UTP18: variants seen among roughly 807,000 people sequenced by gnomAD.
The protein encoded by UTP18 is U3 small nucleolar RNA-associated protein 18 homolog.
A neutral mutation model predicts 61.1 loss-of-function variants in UTP18; 36 were observed. The ratio of observed to expected loss-of-function variants is 0.59; its 90% confidence interval spans 0.45 to 0.78. UTP18 has a LOEUF of 0.78. UTP18 is among the 30% of genes least tolerant of loss of function. The pLI is 0.00. For synonymous variants in UTP18, 282 were observed against 251.1 expected, an observed-to-expected ratio of 1.12 and a Z score of -1.16; for missense variants, 753 against 693.9, an observed-to-expected ratio of 1.09 and a Z score of -0.96.
At chr17:51,279,278 A>T (rs1371867596) in intron 7 of UTP18, among the ~76,000 whole-genome samples, 1 of 152,132 alleles carries the variant, frequency 6.6e-6, no homozygotes, top group Admixed American at 6.5e-5. Context: ...TAACTTTTTA[A>T]TGAGTAACTT....
intron 2 of UTP18, among the ~76,000 whole-genome samples, chr17:51,265,327 G>A (rs1437210064): frequency 1.3e-5 from 2 of 150,476 alleles, no homozygotes; most frequent in African/African-American, 2.4e-5. Flanking sequence ...GTAGTGGTGC[G>A]ATCTTGGCTC....
Position 51,289,736 on chromosome 17 carries a change from C to T in UTP18, c.1503+1533C>T, listed in dbSNP as rs117987336. On this transcript the variant is annotated intron_variant, in intron 11 of 13. Coordinates refer to ENST00000225298, the MANE Select transcript of UTP18 (RefSeq NM_016001.3). ...GCTATGTGTGTACTACCAGATTGTA[C>T]GCACTTTACAAAGTGTGTTATTTTT... Among the ~76,000 whole-genome samples the T allele has an allele frequency of 1.1e-4, 17 of 152,306 alleles. No individual in the cohort carries two copies. The East Asian group carries it at 1.2e-3, about 10-fold the overall frequency.
chr17:51,275,036 GA>G (rs1304709147), intron 5 of UTP18, among the ~76,000 whole-genome samples: 1 of 151,406 alleles, frequency 6.6e-6, no homozygotes, highest in Non-Finnish European at 1.5e-5. Context: ...CATCTCTACT[GA>G]AAATACAAAA....
At chr17:51,264,193 C>T (rs1456613295) in intron 2 of UTP18, among the ~76,000 whole-genome samples, 2 of 151,898 alleles carry the variant, frequency 1.3e-5, no homozygotes, top group African/African-American at 2.4e-5. Flanking sequence ...TGTGCCACCA[C>T]ACCTGGCTAA....
At chr17:51,262,239 G>A (rs984356186) in intron 1 of UTP18, among the ~76,000 whole-genome samples, 2 of 151,770 alleles carry the variant, frequency 1.3e-5, no homozygotes, top group African/African-American at 4.8e-5. Flanking sequence ...GCGCCACCAC[G>A]CCTGGCTAAT....
chr17:51,294,148 T>C (rs1453231969), intron 12 of UTP18, 103 bp downstream of exon 12: 1 of 910,564 alleles, frequency 1.1e-6, no homozygotes, highest in African/African-American at 1.7e-5. Flanking sequence ...TAAATTCTAG[T>C]CTGTTTATCT....
chr17:51,292,687 GTGT>G (rs1267502369), intron 11 of UTP18, among the ~76,000 whole-genome samples: 3 of 152,218 alleles, frequency 2.0e-5, no homozygotes, highest in Non-Finnish European at 4.4e-5. Context: ...CTGAAAGTGA[GTGT>G]TGTTACAATT....
At position 51,260,634 on chromosome 17, in the gene UTP18, C is replaced by G. The variant is rs1276495643; in HGVS notation, c.50C>G (p.Ala17Gly). ...RRMKLDRRTG[A>G]KPKRKPGMRP... is the part of the protein sequence containing the mutation. ...ATGAAACTGGACCGGAGAACCGGAGCGAAGCCGAAGCGGAAGCCCGGAATG... is the reference window on the plus strand; with the variant it reads ...ATGAAACTGGACCGGAGAACCGGAGGGAAGCCGAAGCGGAAGCCCGGAATG... The change falls in exon 1 of 14, where the codon GCG becomes GGG. Residue 17 changes from alanine to glycine, a missense_variant. Ala to Gly is a moderately conservative substitution (Grantham distance 60). Transcript: ENST00000225298. 2.5e-6 allele frequency: 4 copies of G among 1,612,438 alleles called. No individual in the cohort carries two copies. The highest frequency in any genetic ancestry group is 3.4e-6 in the Non-Finnish European group (4 of 1,179,704).
rs780437608 is a variant in UTP18 at position 51,273,379 on chromosome 17, G to A, written c.640G>A (p.Glu214Lys). The change falls in exon 5 of 14, where the codon GAA becomes AAA. Residue 214 changes from glutamate (E) to lysine (K), a missense_variant. Physicochemically the swap from Glu to Lys is moderately conservative, Grantham distance 56 (BLOSUM62 1). Transcript: ENST00000225298. ...TSSDDESEED[E>K]DDLLQRTGNF... ...TGACTTAGATGAAAGTGAAGAGGAT[G>A]AAGATGATTTGTTGCAAAGGACTGG... 3 of 1,609,892 alleles carry A rather than the reference G, an allele frequency of 1.9e-6. No homozygotes were observed. The highest frequency in any genetic ancestry group is 1.7e-5 in the Admixed American group (1 of 59,316).
At chr17:51,262,336 G>T (rs2055513462) in intron 1 of UTP18, among the ~76,000 whole-genome samples, 1 of 151,910 alleles carries the variant, frequency 6.6e-6, no homozygotes, top group African/African-American at 2.4e-5. Flanking sequence ...CGCCCGCCTC[G>T]GCCTCCCAAA....
chr17:51,268,774 G>A, intron 3 of UTP18, 63 bp from the exon 4 acceptor site: 1 of 1,361,578 alleles, frequency 7.3e-7, no homozygotes, highest in Non-Finnish European at 1.0e-6. Flanking sequence ...TGCTTTAAAT[G>A]TATCAAGCTT....
chr17:51,270,321 A>G (rs1225331540), intron 4 of UTP18, among the ~76,000 whole-genome samples: 2 of 152,120 alleles, frequency 1.3e-5, no homozygotes, highest in East Asian at 3.8e-4. Context: ...TTAATATGTT[A>G]AACATCCCTC....
chr17:51,264,402 T>C (rs540913277), intron 2 of UTP18, among the ~76,000 whole-genome samples: 53 of 152,324 alleles, frequency 3.5e-4, no homozygotes, highest in African/African-American at 1.2e-3. Context: ...CCTCTTTATG[T>C]ATAAACCTTT....
At chr17:51,274,135 C>G (rs138022579) in intron 5 of UTP18, among the ~76,000 whole-genome samples, 1 of 152,326 alleles carries the variant, frequency 6.6e-6, no homozygotes, top group East Asian at 1.9e-4. Flanking sequence ...GGACATGCTG[C>G]TAGGTCCTTT....
At chr17:51,289,713 T>A (rs1370157848) in intron 11 of UTP18, among the ~76,000 whole-genome samples, 1 of 152,250 alleles carries the variant, frequency 6.6e-6, no homozygotes, top group Non-Finnish European at 1.5e-5. Flanking sequence ...TGTTTGCTGC[T>A]ATGTGTGTAC....
At chr17:51,268,410 A>G (rs941528120) in intron 3 of UTP18, among the ~76,000 whole-genome samples, 1 of 152,226 alleles carries the variant, frequency 6.6e-6, no homozygotes, top group African/African-American at 2.4e-5. Flanking sequence ...TTTTATTCAG[A>G]TGATATATAA....
At chr17:51,287,546 A>G (rs1905148026) in intron 10 of UTP18, among the ~76,000 whole-genome samples, 1 of 152,180 alleles carries the variant, frequency 6.6e-6, no homozygotes, top group Non-Finnish European at 1.5e-5. Context: ...TGGAATTGTC[A>G]TTGAAGGGAG....
Position 51,266,229 on chromosome 17 carries a change from C to A in UTP18, c.503C>A (p.Ala168Asp). ...NRFRKDMMKN[A>D]SESKLSKDNL... Reference sequence around the variant, plus strand: ...TTTCGGAAGGATATGATGAAAAATGCTAGTGAAAGTAAACTTTCGAAAGAC... The same window carrying A: ...TTTCGGAAGGATATGATGAAAAATGATAGTGAAAGTAAACTTTCGAAAGAC... The change falls in exon 3 of 14, where the codon GCT (alanine) becomes GAT (aspartate). Residue 168 changes from alanine (A) to aspartate (D), a missense_variant. Coordinates refer to ENST00000225298, the MANE Select transcript of UTP18 (RefSeq NM_016001.3). 1 of 1,599,614 alleles carries A rather than the reference C, an allele frequency of 6.3e-7. No homozygotes were observed. The highest frequency in any genetic ancestry group is 2.3e-5 in the East Asian group (1 of 43,692).
intron 5 of UTP18, 97 bp from the exon 6 acceptor site, chr17:51,275,769 T>C (rs116854095): frequency 0.028 from 33,952 of 1,198,178 alleles, 563 homozygotes; most frequent in Admixed American, 0.034. Context: ...TGCATTTTTT[T>C]CCTTCATTAT....
Sources: gnomAD v4.1 joint callset for allele counts (sites outside exome capture counted in the v4.1 genomes callset) on GRCh38, gnomAD v4.1.1 for gene constraint, MANE v1.5 for transcripts, NCBI Gene and HGNC (gene_info 2026-07-23, HGNC 2026-07-21) for gene names.